The following PCDHA1 variants were observed in gnomAD, a reference collection of about 807,000 sequenced individuals.
PCDHA1 encodes the protein protocadherin alpha 1, also known as protocadherin alpha-1.
In PCDHA1, 42 loss-of-function variants were observed where a neutral mutation model predicts 61.3. That is an observed-to-expected ratio of 0.69 (90% CI 0.54 to 0.89). PCDHA1 has a LOEUF of 0.89. PCDHA1 is among the 40% of genes least tolerant of loss of function. The pLI is 0.00. For missense variants in PCDHA1, 1,256 were observed against 1,235.3 expected, an observed-to-expected ratio of 1.02 and a Z score of -0.25; for synonymous variants, 610 against 553.8, an observed-to-expected ratio of 1.10 and a Z score of -1.43.
chr5:140,850,365 G>T (rs2150481125), intron 1 of PCDHA1: 4 of 1,597,962 alleles, frequency 2.5e-6, no homozygotes, highest in Middle Eastern at 1.7e-4. Flanking sequence ...CCCGTTCCGC[G>T]TGGGGCTGTA....
At chr5:140,883,623 C>T (rs782045250) in intron 1 of PCDHA1, 3 of 1,613,988 alleles carry the variant, frequency 1.9e-6, no homozygotes, top group East Asian at 4.5e-5. Context: ...AACGACAACG[C>T]GCCGGCGTTC....
chr5:140,882,346 G>A (rs146510190), intron 1 of PCDHA1: 86 of 1,614,078 alleles, frequency 5.3e-5, no homozygotes, highest in African/African-American at 9.3e-5. Flanking sequence ...CCTGGGAGAC[G>A]GGTAGTGGCC....
intron 1 of PCDHA1, chr5:140,831,144 A>G (rs1281536206): frequency 6.6e-6 from 1 of 152,224 alleles, no homozygotes; most frequent in Non-Finnish European, 1.5e-5. Context: ...TGATTTATTT[A>G]CTACCGATCT....
Position 140,869,318 on chromosome 5 carries a change from G to C in PCDHA1, c.2394+80634G>C, listed in dbSNP as rs1373742506. ...TTCCGGGTGGCGTCCAAAACACATG[G>C]GGACCTTCTGGAGGTAAATCTGCAG... On this transcript the variant is annotated intron_variant, in intron 1 of 3. Coordinates refer to ENST00000504120, the MANE Select transcript of PCDHA1 (RefSeq NM_018900.4). 3 of 1,613,688 alleles carry C rather than the reference G, an allele frequency of 1.9e-6. No individual in the cohort carries two copies. Among genetic ancestry groups the C allele is most frequent in the Non-Finnish European group, 2.5e-6 (3 of 1,180,020 alleles).
chr5:140,980,432 C>A (rs1228010505), intron 2 of PCDHA1, among the ~76,000 whole-genome samples: 1 of 152,118 alleles, frequency 6.6e-6, no homozygotes, highest in East Asian at 1.9e-4. Context: ...GAGATCGAGA[C>A]CATCCTGGAC....
At position 140,897,620 on chromosome 5, in the gene PCDHA1, A is replaced by G. The variant is rs1317464980; in HGVS notation, c.2395-81329A>G. On this transcript the variant is annotated intron_variant, in intron 1 of 3. Coordinates refer to ENST00000504120, the MANE Select transcript of PCDHA1 (RefSeq NM_018900.4). Reference sequence around the variant, plus strand: ...ACATTTGGGTTGGTTCCAAGTCTTTACTATTGTGTATAGTGCCACAATAAA... The same window carrying G: ...ACATTTGGGTTGGTTCCAAGTCTTTGCTATTGTGTATAGTGCCACAATAAA... Among the ~76,000 whole-genome samples, 1,214 of 152,126 alleles carry G rather than the reference A, an allele frequency of 8.0e-3. 6 individuals are homozygous for G. The highest frequency in any genetic ancestry group is 0.019 in the African/African-American group (783 of 41,492).
chr5:140,869,998 G>A (rs782322898), intron 1 of PCDHA1: 1 of 1,613,436 alleles, frequency 6.2e-7, no homozygotes. Context: ...TCAAAATAAT[G>A]GAGAAGTGAG....
Position 140,858,384 on chromosome 5 carries a change from T to C in PCDHA1, c.2394+69700T>C, listed in dbSNP as rs782413045. 1.8e-5 allele frequency: 29 copies of C among 1,582,610 alleles called. 1 individual carries two copies. The East Asian group carries it at 3.6e-4, about 20-fold the overall frequency. ...AGCCCCAGCCTTCCACCATGCCCAA[T>C]GGTAGATGTGGACGGGGAAGATCAG... On this transcript the variant is annotated intron_variant, in intron 1 of 3. Coordinates refer to ENST00000504120, the MANE Select transcript of PCDHA1 (RefSeq NM_018900.4).
chr5:140,960,395 AG>A (rs562972971), intron 1 of PCDHA1, among the ~76,000 whole-genome samples: 1 of 152,150 alleles, frequency 6.6e-6, no homozygotes, highest in African/African-American at 2.4e-5. Context: ...TTAGGATGCA[AG>A]GGGGGGTGCC....
rs1413393487 is a variant in PCDHA1, at chr5:140,941,341, G to T, written c.2395-37608G>T. On this transcript the variant is annotated intron_variant, in intron 1 of 3. Coordinates refer to ENST00000504120, the MANE Select transcript of PCDHA1 (RefSeq NM_018900.4). ...TCTCTTTTTTTTTTTTTTTCAGATG[G>T]AGTCTTGCTCTGTTGCCTAGGCTGG... Among the ~76,000 whole-genome samples the T allele has an allele frequency of 2.5e-5, 3 of 119,500 alleles. No homozygotes were observed. The East Asian group carries it at 8.2e-4, about 33-fold the overall frequency. 78.4% of individuals were successfully genotyped at this position (119,500 alleles called of 152,430 possible).
chr5:140,842,466 A>C, intron 1 of PCDHA1: 1 of 1,613,912 alleles, frequency 6.2e-7, no homozygotes, highest in Non-Finnish European at 8.5e-7. Context: ...TCAGGTGCCA[A>C]CGGGCAGGTG....
At chr5:140,955,797 T>C (rs1374924586) in intron 1 of PCDHA1, among the ~76,000 whole-genome samples, 3 of 152,212 alleles carry the variant, frequency 2.0e-5, no homozygotes, top group Non-Finnish European at 4.4e-5. Flanking sequence ...TGTTTTTCTA[T>C]TTGTTTGTGT....
intron 1 of PCDHA1, chr5:140,929,720 C>A (rs146702581): frequency 4.5e-6 from 1 of 224,040 alleles, no homozygotes; most frequent in Admixed American, 5.9e-5. Context: ...GAAGGTGAAA[C>A]ATTTACTTAA....
chr5:140,999,786 G>A (rs1050666056), intron 3 of PCDHA1, among the ~76,000 whole-genome samples: 4 of 152,120 alleles, frequency 2.6e-5, no homozygotes, highest in African/African-American at 9.7e-5. Flanking sequence ...CCTAGAAATG[G>A]CAGAGTTATT....
intron 1 of PCDHA1, among the ~76,000 whole-genome samples, chr5:140,832,290 AT>A (rs1771900444): frequency 6.6e-6 from 1 of 152,162 alleles, no homozygotes; most frequent in Non-Finnish European, 1.5e-5. Context: ...TGAATGGTGT[AT>A]TTGCCCACAT....
intron 1 of PCDHA1, chr5:140,926,295 C>T (rs1554203253): frequency 6.6e-6 from 1 of 152,322 alleles, no homozygotes; most frequent in African/African-American, 2.4e-5. Flanking sequence ...CGCTGAGTCC[C>T]GCCCTCTCCG....
chr5:140,814,613 T>C (rs1765552557), intron 1 of PCDHA1: 1 of 152,222 alleles, frequency 6.6e-6, no homozygotes, highest in Admixed American at 6.5e-5. Flanking sequence ...TCTTGTACTT[T>C]TATATAACTG....
In PCDHA1 at chr5:140,843,823, A is replaced by G; in HGVS notation, c.2394+55139A>G. ...CACCGTATTTTATAGTGAAAATTTAAACATTGTTTAGTTTTTAGAAACCTT... is the reference window on the plus strand; with the variant it reads ...CACCGTATTTTATAGTGAAAATTTAGACATTGTTTAGTTTTTAGAAACCTT... On this transcript the variant is annotated intron_variant, in intron 1 of 3. Transcript: ENST00000504120. 4 of 1,201,188 alleles carry G rather than the reference A, an allele frequency of 3.3e-6. 1 individual carries two copies. The highest frequency in any genetic ancestry group is 4.7e-6 in the Non-Finnish European group (4 of 852,276). 74.4% of individuals were successfully genotyped at this position (1,201,188 alleles called of 1,614,324 possible). A position where few individuals can be genotyped will look rare whatever the true frequency, so the allele number is the denominator to read the frequency against.
At chr5:140,963,120 A>G (rs1210822785) in intron 1 of PCDHA1, among the ~76,000 whole-genome samples, 1 of 152,174 alleles carries the variant, frequency 6.6e-6, no homozygotes, top group African/African-American at 2.4e-5. Context: ...ATAATTAAAG[A>G]GATAATATTA....
Sources: gnomAD v4.1 joint callset for allele counts (sites outside exome capture counted in the v4.1 genomes callset) on GRCh38, gnomAD v4.1.1 for gene constraint, MANE v1.5 for transcripts, NCBI Gene and HGNC (gene_info 2026-07-23, HGNC 2026-07-21) for gene names.